Variants in KCNQ5 observed in about 807,000 individuals in gnomAD.
KCNQ5 encodes the protein potassium voltage-gated channel subfamily Q member 5, also known as potassium voltage-gated channel subfamily KQT member 5.
KCNQ5 carries 30 observed loss-of-function variants against 98.2 expected under a neutral mutation model. The observed-to-expected ratio is 0.31, with a 90% confidence interval of 0.23 to 0.41. The LOEUF is 0.41. Ranked by LOEUF, KCNQ5 falls within the 10% of genes least tolerant of loss-of-function variation. The pLI, the probability that KCNQ5 is intolerant of heterozygous loss-of-function variation, is 1.00. For synonymous variants in KCNQ5, 458 were observed against 449.4 expected (o/e 1.02, Z -0.24); for missense variants, 835 against 1,182.5 (o/e 0.71, Z 4.31).
At chr6:72,919,594 A>G (rs1251113078) in intron 1 of KCNQ5, among the ~76,000 whole-genome samples, 1 of 152,212 alleles carries the variant, frequency 6.6e-6, no homozygotes, top group Non-Finnish European at 1.5e-5. Flanking sequence ...CCAGGATTCA[A>G]ACCTACACAT....
intron 1 of KCNQ5, among the ~76,000 whole-genome samples, chr6:72,844,637 A>G (rs897715068): frequency 1.3e-5 from 2 of 152,234 alleles, no homozygotes; most frequent in African/African-American, 2.4e-5. Flanking sequence ...CAAGTATTGC[A>G]TAAAAGCAAA....
chr6:72,968,645 G>A (rs1026333175), intron 1 of KCNQ5, among the ~76,000 whole-genome samples: 1 of 151,984 alleles, frequency 6.6e-6, no homozygotes, highest in African/African-American at 2.4e-5. Context: ...TTTATGAAGT[G>A]GCTTATTCTT....
intron 1 of KCNQ5, among the ~76,000 whole-genome samples, chr6:72,877,993 G>A (rs1562041659): frequency 6.6e-6 from 1 of 152,182 alleles, no homozygotes; most frequent in Non-Finnish European, 1.5e-5. Flanking sequence ...TCCATAGGCC[G>A]GGTACAGTGG....
chr6:72,923,018 G>T (rs1780476525), intron 1 of KCNQ5, among the ~76,000 whole-genome samples: 1 of 151,690 alleles, frequency 6.6e-6, no homozygotes, highest in African/African-American at 2.4e-5. Flanking sequence ...CACCATGTTG[G>T]CCAAGCTGGT....
chr6:72,735,746 T>C (rs1470573092), intron 1 of KCNQ5, among the ~76,000 whole-genome samples: 4 of 151,976 alleles, frequency 2.6e-5, no homozygotes, highest in Middle Eastern at 6.5e-3. Flanking sequence ...GTTTTTATTT[T>C]TAAGAATTTT....
intron 10 of KCNQ5, among the ~76,000 whole-genome samples, chr6:73,153,755 T>C (rs1292846355): frequency 6.6e-6 from 1 of 152,164 alleles, no homozygotes; most frequent in Non-Finnish European, 1.5e-5. Context: ...ATTTCTGTTT[T>C]GAGTACTAAG....
At chr6:72,825,546 T>C (rs372592187) in intron 1 of KCNQ5, among the ~76,000 whole-genome samples, 14 of 152,262 alleles carry the variant, frequency 9.2e-5, no homozygotes, top group African/African-American at 3.4e-4. Context: ...GGTTCTCTCC[T>C]TTTCCTTGGT....
intron 1 of KCNQ5, among the ~76,000 whole-genome samples, chr6:72,705,605 G>GTTT (rs776559244): frequency 1.4e-5 from 2 of 145,848 alleles, no homozygotes; most frequent in Non-Finnish European, 3.0e-5. Context: ...TTTTTTTGTT[G>GTTT]TTGTTGTTTT....
chr6:72,977,799 A>G lies in KCNQ5; in HGVS notation c.399-26109A>G, dbSNP rs117761176. ...TCAAACACAGTATGCATTTTATGTA[A>G]TAATACGTTGTTTATGGCCCATCTT... On this transcript the variant is annotated intron_variant, in intron 1 of 13. Transcript: ENST00000370398. 4.5e-3 allele frequency among the ~76,000 whole-genome samples: 680 copies of G among 152,262 alleles called. 15 individuals carry two copies. The highest frequency in any genetic ancestry group is 0.035 in the East Asian group (179 of 5,184).
intron 1 of KCNQ5, among the ~76,000 whole-genome samples, chr6:72,953,034 A>G (rs1340986269): frequency 6.6e-6 from 1 of 152,112 alleles, no homozygotes; most frequent in Non-Finnish European, 1.5e-5. Flanking sequence ...CCAGTAGGCT[A>G]TTTCCATCTG....
chr6:73,180,510 G>A (rs574249317), intron 11 of KCNQ5, among the ~76,000 whole-genome samples: 13 of 152,096 alleles, frequency 8.5e-5, no homozygotes, highest in Non-Finnish European at 1.9e-4. Flanking sequence ...TGACATGTGC[G>A]ACTTAGAAGA....
chr6:73,197,616 CACACACACACACACACA>C lies in KCNQ5; in HGVS notation c.*2203_*2219del, dbSNP rs1765837887. Reference sequence around the variant, plus strand: ...ACACACACACACACACACACACACACACACACACACACACACACACACACACCCCTCCACTGACCTAA... The same window carrying C: ...ACACACACACACACACACACACACACCACACACACCCCTCCACTGACCTAA... On this transcript the variant is annotated 3_prime_UTR_variant, in exon 14 of 14. Transcript: ENST00000370398. 1.3e-5 allele frequency: 2 copies of C among 151,120 alleles called. No individual in the cohort carries two copies. The highest frequency in any genetic ancestry group is 2.4e-5 in the African/African-American group (1 of 41,096). 9.4% of individuals were successfully genotyped at this position (151,120 alleles called of 1,614,324 possible). A position where few individuals can be genotyped will look rare whatever the true frequency, so the allele number is the denominator to read the frequency against.
chr6:72,944,419 C>G (rs1212311672), intron 1 of KCNQ5, among the ~76,000 whole-genome samples: 1 of 152,100 alleles, frequency 6.6e-6, no homozygotes, highest in East Asian at 1.9e-4. Context: ...TCTACAAATA[C>G]TTATTGAGCA....
At chr6:72,740,003 G>C (rs2154476114) in intron 1 of KCNQ5, among the ~76,000 whole-genome samples, 1 of 152,182 alleles carries the variant, frequency 6.6e-6, no homozygotes, top group East Asian at 1.9e-4. Flanking sequence ...AGACTTACTT[G>C]GATTATCTGC....
At chr6:72,962,224 TATATATATATATACAC>T (rs1311168365) in intron 1 of KCNQ5, among the ~76,000 whole-genome samples, 2 of 139,684 alleles carry the variant, frequency 1.4e-5, no homozygotes, top group African/African-American at 5.4e-5. Flanking sequence ...TATACACACA[TATATATATATATACAC>T]ATATATATAT....
At chr6:72,825,140 A>G (rs1332936408) in intron 1 of KCNQ5, among the ~76,000 whole-genome samples, 3 of 151,800 alleles carry the variant, frequency 2.0e-5, no homozygotes, top group Admixed American at 2.0e-4. Flanking sequence ...ACAAAACAAA[A>G]CAACAACAAC....
At chr6:73,146,521 A>G (rs1398193455) in intron 10 of KCNQ5, among the ~76,000 whole-genome samples, 3 of 146,672 alleles carry the variant, frequency 2.0e-5, no homozygotes, top group Non-Finnish European at 4.5e-5. Context: ...GCCACTTGGG[A>G]GGCTGAGAAA....
intron 1 of KCNQ5, among the ~76,000 whole-genome samples, chr6:72,988,034 C>T (rs1420385187): frequency 6.6e-6 from 1 of 152,074 alleles, no homozygotes; most frequent in Non-Finnish European, 1.5e-5. Flanking sequence ...CTTGGATGAA[C>T]TGGGGAGAGG....
intron 1 of KCNQ5, among the ~76,000 whole-genome samples, chr6:72,764,473 T>C (rs1217752451): frequency 3.9e-5 from 6 of 152,006 alleles, no homozygotes; most frequent in Non-Finnish European, 7.4e-5. Context: ...CTTCTATTTT[T>C]AATTTTTGTG....
Sources: allele counts gnomAD v4.1 joint callset (sites outside exome capture counted in the v4.1 genomes callset), GRCh38; gene constraint gnomAD v4.1.1; transcripts MANE v1.5; gene names NCBI Gene and HGNC (gene_info 2026-07-23, HGNC 2026-07-21).